The following HECTD2 variants were observed in gnomAD, a reference collection of about 807,000 sequenced individuals.
HECTD2 encodes probable E3 ubiquitin-protein ligase HECTD2.
In HECTD2, 35 loss-of-function variants were observed where a neutral mutation model predicts 103.2. The ratio of observed to expected loss-of-function variants is 0.34; its 90% CI spans 0.26 to 0.45. The LOEUF is 0.45. Ranked by LOEUF, HECTD2 falls within the 20% of genes least tolerant of loss-of-function variation. The pLI is 1.00. For synonymous variants in HECTD2, 281 were observed against 329.9 expected (o/e 0.85, Z 1.61); for missense variants, 596 against 937.4 (o/e 0.64, Z 4.76).
chr10:91,502,240 T>A (rs1234420362), intron 20 of HECTD2, among the ~76,000 whole-genome samples: 1 of 152,206 alleles, frequency 6.6e-6, no homozygotes, highest in Non-Finnish European at 1.5e-5. Context: ...TTTCTTTCTA[T>A]GCTTTAGTCA....
At chr10:91,502,560 A>G (rs1160527687) in intron 20 of HECTD2, among the ~76,000 whole-genome samples, 2 of 152,204 alleles carry the variant, frequency 1.3e-5, no homozygotes, top group Non-Finnish European at 2.9e-5. Context: ...TTTCTTCAAT[A>G]GTATTTATGT....
intron 5 of HECTD2, among the ~76,000 whole-genome samples, chr10:91,475,473 T>G (rs1458851017): frequency 1.3e-5 from 2 of 152,166 alleles, no homozygotes; most frequent in African/African-American, 4.8e-5. Context: ...CTGAGACATT[T>G]TGTAAGGTTT....
At chr10:91,500,220 A>T (rs1846844336) in intron 18 of HECTD2, among the ~76,000 whole-genome samples, 1 of 152,186 alleles carries the variant, frequency 6.6e-6, no homozygotes, top group Non-Finnish European at 1.5e-5. Flanking sequence ...TTGGAGCTTC[A>T]TGCTGGTTTT....
rs143892025 is a variant in HECTD2, at chr10:91,484,267, G to C, written c.822-240G>C. The C allele has an allele frequency of 3.9e-3, 3,639 of 931,574 alleles. 26 individuals carry two copies. The highest frequency in any genetic ancestry group is 0.011 in the Middle Eastern group (52 of 4,636). 57.7% of individuals were successfully genotyped at this position (931,574 alleles called of 1,614,324 possible). A position where few individuals can be genotyped will look rare whatever the true frequency, so the allele number is the denominator to read the frequency against. ...CTGTGAATAATGAAGACTGAATATT[G>C]AAAGTCTTTAAAATGTTTGTTACTA... On this transcript the variant is annotated intron_variant, in intron 8 of 20. Transcript: ENST00000298068.
intron 14 of HECTD2, among the ~76,000 whole-genome samples, chr10:91,494,585 A>T (rs1846597875): frequency 6.6e-6 from 1 of 152,088 alleles, no homozygotes; most frequent in Admixed American, 6.5e-5. Flanking sequence ...AAGAAAGTGT[A>T]GTAGGGAACA....
At chr10:91,465,676 T>C (rs1845506862) in intron 5 of HECTD2, among the ~76,000 whole-genome samples, 1 of 152,128 alleles carries the variant, frequency 6.6e-6, no homozygotes, top group African/African-American at 2.4e-5. Flanking sequence ...TTCTTTTGCA[T>C]CTATTGCTAT....
At chr10:91,467,995 G>A (rs1016878759) in intron 5 of HECTD2, among the ~76,000 whole-genome samples, 1 of 152,050 alleles carries the variant, frequency 6.6e-6, no homozygotes, top group African/African-American at 2.4e-5. Context: ...CAGCTCAAGA[G>A]CATGGAGCAA....
intron 20 of HECTD2, among the ~76,000 whole-genome samples, chr10:91,502,399 T>C (rs928156896): frequency 6.6e-6 from 1 of 152,222 alleles, no homozygotes; most frequent in African/African-American, 2.4e-5. Flanking sequence ...AGTCATTATG[T>C]ATTGAGTTTC....
At chr10:91,430,613 G>C (rs1335579500) in intron 2 of HECTD2, among the ~76,000 whole-genome samples, 1 of 152,132 alleles carries the variant, frequency 6.6e-6, no homozygotes, top group Non-Finnish European at 1.5e-5. Context: ...TTGTTGAATT[G>C]ATCCCTTTAC....
chr10:91,462,535 G>T, intron 5 of HECTD2: 1 of 1,052,508 alleles, frequency 9.5e-7, no homozygotes, highest in African/African-American at 1.6e-5. Flanking sequence ...CACAAGAAGG[G>T]CTTGTTAAAA....
At chr10:91,482,398 A>G (rs1014563611) in intron 7 of HECTD2, among the ~76,000 whole-genome samples, 6 of 151,922 alleles carry the variant, frequency 3.9e-5, no homozygotes, top group African/African-American at 1.4e-4. Context: ...GCGTCCCTTT[A>G]TCATTTAAAA....
intron 5 of HECTD2, among the ~76,000 whole-genome samples, chr10:91,468,767 C>CA (rs201621439): frequency 2.6e-5 from 4 of 151,412 alleles, no homozygotes; most frequent in Non-Finnish European, 4.4e-5. Flanking sequence ...CCCATCTCTA[C>CA]AAAAAAAAAT....
At chr10:91,455,547 C>A (rs1845049454) in intron 2 of HECTD2, among the ~76,000 whole-genome samples, 1 of 152,044 alleles carries the variant, frequency 6.6e-6, no homozygotes, top group Non-Finnish European at 1.5e-5. Flanking sequence ...ATGGTAGTTT[C>A]TTTTGCTGTG....
rs1312413322 is a variant in HECTD2 at position 91,460,432 on chromosome 10, G to A, written c.274G>A (p.Glu92Lys). 3 of 1,597,926 alleles carry A rather than the reference G, an allele frequency of 1.9e-6. No individual in the cohort carries two copies. The highest frequency in any genetic ancestry group is 1.7e-6 in the Non-Finnish European group (2 of 1,173,360). ...TGTGTTTTTATACTTCACAGTGAGA[G>A]AACCACCACCAATTTGCCTTGATGT... is the stretch of plus-strand genomic sequence containing the variant. Reference protein sequence around the residue: ...LVFPNIKNVREPPPICLDVRQ... With the variant: ...LVFPNIKNVRKPPPICLDVRQ... The change falls in exon 3 of 21, where the codon GAA (glutamate) becomes AAA (lysine). Residue 92 changes from glutamate (E) to lysine (K), a missense_variant. Glu to Lys is a moderately conservative substitution (Grantham distance 56, BLOSUM62 1). Transcript: ENST00000298068.
intron 2 of HECTD2, among the ~76,000 whole-genome samples, chr10:91,457,200 G>A (rs1307216169): frequency 6.6e-5 from 10 of 152,050 alleles, no homozygotes; most frequent in African/African-American, 1.9e-4. Flanking sequence ...ATTCACGTCC[G>A]GATGGTCTCA....
intron 20 of HECTD2, among the ~76,000 whole-genome samples, chr10:91,504,250 A>C (rs1456746485): frequency 8.5e-5 from 13 of 152,362 alleles, no homozygotes; most frequent in Non-Finnish European, 1.6e-4. Context: ...GCAGCTCCTC[A>C]CCAGCAACAG....
intron 2 of HECTD2, among the ~76,000 whole-genome samples, chr10:91,426,943 G>C (rs1030320277): frequency 2.7e-5 from 4 of 149,832 alleles, no homozygotes; most frequent in East Asian, 4.0e-4. Flanking sequence ...CTGGTGTGCT[G>C]TACCCATTAA....
intron 9 of HECTD2, 116 bp from the exon 10 acceptor site, chr10:91,485,064 A>G (rs1846219188): frequency 3.1e-6 from 2 of 635,988 alleles, no homozygotes; most frequent in Admixed American, 6.2e-5. Flanking sequence ...ACATTTATTT[A>G]AAATAGGAGT....
chr10:91,464,144 C>T (rs1395743887), intron 5 of HECTD2, among the ~76,000 whole-genome samples: 1 of 152,186 alleles, frequency 6.6e-6, no homozygotes, highest in African/African-American at 2.4e-5. Context: ...CACTTCCCTA[C>T]ATTTTTTATT....
Sources: allele counts gnomAD v4.1 joint callset (sites outside exome capture counted in the v4.1 genomes callset), GRCh38; gene constraint gnomAD v4.1.1; transcripts MANE v1.5; gene names NCBI Gene and HGNC (gene_info 2026-07-23, HGNC 2026-07-21).